The following CNKSR2 variants were observed in gnomAD, a reference collection of about 807,000 sequenced individuals.
CNKSR2 encodes CNK homolog protein 2.
In CNKSR2, 14 loss-of-function variants were observed where a neutral mutation model predicts 84.4. That is an observed-to-expected ratio of 0.17 (90% CI 0.11 to 0.26). The LOEUF is 0.26. Ranked by LOEUF, CNKSR2 falls within the 10% of genes least tolerant of loss-of-function variation. The probability of loss-of-function intolerance (pLI) is 1.00; values close to 1 mark genes in which losing one functional copy is unlikely to be tolerated. For synonymous variants in CNKSR2, 275 were observed against 277.9 expected (o/e 0.99, Z 0.10); for missense variants, 485 against 771.2 (o/e 0.63, Z 4.40).
At chrX:21,482,562 G>C (rs1162146103) in intron 5 of CNKSR2, among the ~76,000 whole-genome samples, 1 of 112,268 alleles carries the variant, frequency 8.9e-6, no homozygotes, top group Non-Finnish European at 1.9e-5. Flanking sequence ...GAAAATGTAA[G>C]AAATTAGGAG....
chrX:21,620,344 T>C (rs888206531), intron 20 of CNKSR2, among the ~76,000 whole-genome samples: 17 of 110,342 alleles, frequency 1.5e-4, no homozygotes, highest in African/African-American at 5.6e-4. Flanking sequence ...ACAGTACCTA[T>C]TTTAAAATGT....
intron 20 of CNKSR2, 41 bp from the exon 21 acceptor site, chrX:21,648,790 C>CTGTGT: frequency 1.5e-6 from 1 of 660,774 alleles, no homozygotes; most frequent in African/African-American, 3.7e-5. Flanking sequence ...CTCTCTCTCT[C>CTGTGT]TTTCTTTTTT....
In CNKSR2 at chrX:21,585,443, TAA is replaced by T. The variant is rs1398567181; in HGVS notation, c.1609-5127_1609-5126del. Among the ~76,000 whole-genome samples, 998 of 108,650 alleles carry T rather than the reference TAA, an allele frequency of 9.2e-3. 6 individuals carry two copies. Among genetic ancestry groups the T allele is most frequent in the Non-Finnish European group, 0.015 (782 of 52,450 alleles). The allele number at this position is 108,650 out of a possible 115,157, so 94.3% of individuals were successfully genotyped here. On this transcript the variant is annotated intron_variant, in intron 13 of 21. Transcript: ENST00000379510. ...GAGCTGGTGAGAAAAAGTCATATTA[TAA>T]ATACATTCATTGTGAAAACAAAGCT...
chrX:21,591,715 G>T (rs1424742500), intron 15 of CNKSR2: 1 of 109,847 alleles, frequency 9.1e-6, no homozygotes, highest in African/African-American at 3.3e-5. Flanking sequence ...CAGTGGGGGG[G>T]TATATATATA....
intron 20 of CNKSR2, chrX:21,642,009 A>G (rs951226891): frequency 1.3e-6 from 1 of 759,003 alleles, no homozygotes; most frequent in Non-Finnish European, 1.6e-6. Context: ...AGCTTCAATA[A>G]CTAGAAAATT....
intron 10 of CNKSR2, among the ~76,000 whole-genome samples, chrX:21,531,433 C>T (rs2091885371): frequency 9.0e-6 from 1 of 110,840 alleles, no homozygotes; most frequent in Non-Finnish European, 1.9e-5. Flanking sequence ...TACCATTATA[C>T]CTACTGTCTT....
chrX:21,578,573 A>G (rs1234134383), intron 13 of CNKSR2, among the ~76,000 whole-genome samples: 6 of 105,069 alleles, frequency 5.7e-5, no homozygotes, highest in Non-Finnish European at 1.2e-4. Flanking sequence ...TTTCAGAATT[A>G]AATCACACGT....
Position 21,490,527 on chromosome X carries a change from T to C in CNKSR2, c.630T>C (p.Ser210=), listed in dbSNP as rs2091431577. ...SLSSDPLVSQ[S]AHLEVIQLAN... ...CGTCAGATCCTCTGGTTTCACAGTC[T>C]GCTCACCTGGAAGTGATTCAACTGG... The change falls in exon 6 of 22, where the codon TCT becomes TCC. Residue 210 remains serine (S), a synonymous_variant. Transcript: ENST00000379510. 2 of 1,207,759 alleles carry C rather than the reference T, an allele frequency of 1.7e-6. No individual in the cohort carries two copies. The highest frequency in any genetic ancestry group is 2.2e-6 in the Non-Finnish European group (2 of 893,399).
At chrX:21,599,339 G>GGTGTGTGT (rs34829122) in intron 17 of CNKSR2, among the ~76,000 whole-genome samples, 179 of 82,680 alleles carry the variant, frequency 2.2e-3, no homozygotes, top group African/African-American at 5.9e-3. Context: ...TTTTTGTTTT[G>GGTGTGTGT]GTGTGTGTGT....
chrX:21,389,618 G>C (rs1351151413), intron 1 of CNKSR2, among the ~76,000 whole-genome samples: 1 of 111,823 alleles, frequency 8.9e-6, no homozygotes, highest in African/African-American at 3.3e-5. Context: ...ATATAGAGTT[G>C]TTCTTCACTA....
intron 11 of CNKSR2, among the ~76,000 whole-genome samples, chrX:21,548,229 G>T (rs1375722193): frequency 9.0e-6 from 1 of 111,424 alleles, no homozygotes; most frequent in African/African-American, 3.3e-5. Flanking sequence ...AAAAAATGAT[G>T]AAGGAGAGAT....
At chrX:21,405,534 T>C (rs1037119176) in intron 1 of CNKSR2, among the ~76,000 whole-genome samples, 3 of 111,841 alleles carry the variant, frequency 2.7e-5, no homozygotes, top group Non-Finnish European at 3.8e-5. Context: ...TCTGTGTTTT[T>C]CAGTTGATTT....
intron 5 of CNKSR2, 82 bp from the exon 6 acceptor site, chrX:21,490,377 T>A: frequency 1.0e-6 from 1 of 973,654 alleles, no homozygotes. Context: ...TTTTTCCTTA[T>A]GAAAACGTTA....
intron 3 of CNKSR2, 60 bp from the exon 4 acceptor site, chrX:21,440,634 T>G: frequency 1.8e-6 from 1 of 561,030 alleles, no homozygotes; most frequent in Non-Finnish European, 2.9e-6. Context: ...TAGGCTACTA[T>G]ATTTTGGGAC....
At chrX:21,469,880 C>T (rs1335450828) in intron 4 of CNKSR2, among the ~76,000 whole-genome samples, 1 of 111,582 alleles carries the variant, frequency 9.0e-6, no homozygotes, top group Non-Finnish European at 1.9e-5. Flanking sequence ...CCACTGCACT[C>T]CAGCCTGGGC....
In CNKSR2 at chrX:21,654,132, G is replaced by A. The variant is rs1459622655; in HGVS notation, c.*1611G>A. The A allele has an allele frequency of 2.7e-5, 3 of 110,038 alleles. No individual in the cohort carries two copies. The highest frequency in any genetic ancestry group is 7.8e-4 in the South Asian group (2 of 2,560). The allele number at this position is 110,038 out of a possible 1,213,427, so 9.1% of individuals were successfully genotyped here. On this transcript the variant is annotated 3_prime_UTR_variant, in exon 22 of 22. Transcript: ENST00000379510. ...AATCCTATATTTAGTCAAAATGGAT[G>A]AGAAATCATGTATTAATGTTTGTAT...
intron 1 of CNKSR2, among the ~76,000 whole-genome samples, chrX:21,388,571 A>G: frequency 8.9e-6 from 1 of 112,512 alleles, no homozygotes; most frequent in Non-Finnish European, 1.9e-5. Context: ...AGAGCTTCCA[A>G]TAGCTAAAGC....
At chrX:21,416,013 G>A (rs907035400) in intron 1 of CNKSR2, among the ~76,000 whole-genome samples, 8 of 110,496 alleles carry the variant, frequency 7.2e-5, no homozygotes, top group East Asian at 2.8e-4. Flanking sequence ...CATCTTTGTC[G>A]TGTTCCAGAT....
chrX:21,560,732 C>A (rs183290345), intron 11 of CNKSR2, among the ~76,000 whole-genome samples: 7 of 111,383 alleles, frequency 6.3e-5, no homozygotes, highest in Admixed American at 9.6e-5. Flanking sequence ...TAATATACTG[C>A]AGCCTCACCA....
Sources: allele counts gnomAD v4.1 joint callset (sites outside exome capture counted in the v4.1 genomes callset), GRCh38; gene constraint gnomAD v4.1.1; transcripts MANE v1.5; gene names NCBI Gene and HGNC (gene_info 2026-07-23, HGNC 2026-07-21).